ETFBKMT: variants seen among roughly 807,000 people sequenced by gnomAD.
ETFBKMT encodes electron transfer flavoprotein beta subunit lysine methyltransferase.
A neutral mutation model predicts 18.3 loss-of-function variants in ETFBKMT; 13 were observed. The observed-to-expected ratio is 0.71, with a 90% CI of 0.46 to 1.13. The LOEUF is 1.13. ETFBKMT is among the 50% of genes most tolerant of loss of function. The pLI is 0.00. For missense variants in ETFBKMT, 293 were observed against 306.2 expected (o/e 0.96, Z 0.32); for synonymous variants, 84 against 107.9 (o/e 0.78, Z 1.37).
At chr12:31,659,990 A>T (rs1191256626) in intron 1 of ETFBKMT, 1 of 11,840 alleles carries the variant, frequency 8.4e-5, no homozygotes, top group African/African-American at 1.0e-4. Context: ...CTCTACTAAA[A>T]AAAAAAAAAA....
chr12:31,661,683 A>T (rs1158622735), intron 1 of ETFBKMT, among the ~76,000 whole-genome samples, 158 bp from the exon 2 acceptor site: 1 of 152,080 alleles, frequency 6.6e-6, no homozygotes, highest in Non-Finnish European at 1.5e-5. Flanking sequence ...CTGGTCTTGA[A>T]CACCTGACCT....
intron 1 of ETFBKMT, among the ~76,000 whole-genome samples, chr12:31,652,329 C>G (rs1380314583): frequency 6.6e-6 from 1 of 152,130 alleles, no homozygotes; most frequent in Non-Finnish European, 1.5e-5. Context: ...TGGCGCCTGA[C>G]GACAAACCCC....
intron 1 of ETFBKMT, among the ~76,000 whole-genome samples, chr12:31,661,280 A>G (rs1951119888): frequency 6.6e-6 from 1 of 152,194 alleles, no homozygotes; most frequent in Non-Finnish European, 1.5e-5. Context: ...ATTTCCTGTA[A>G]GAGGCATTTT....
chr12:31,650,819 A>G (rs563743751), intron 1 of ETFBKMT, among the ~76,000 whole-genome samples: 83 of 152,250 alleles, frequency 5.5e-4, no homozygotes, highest in African/African-American at 1.9e-3. Flanking sequence ...CATTGCAGGA[A>G]GAGCTAGCTC....
At chr12:31,653,067 G>A (rs2139611142) in intron 1 of ETFBKMT, among the ~76,000 whole-genome samples, 1 of 152,320 alleles carries the variant, frequency 6.6e-6, no homozygotes, top group South Asian at 2.1e-4. Context: ...AAATCAGCCG[G>A]CCTTGGCGGC....
intron 1 of ETFBKMT, among the ~76,000 whole-genome samples, chr12:31,647,810 C>G (rs1592129923): frequency 1.3e-5 from 2 of 151,880 alleles, no homozygotes; most frequent in South Asian, 4.2e-4. Context: ...GCCTTGGTGA[C>G]AGAGGGAGAC....
upstream of ETFBKMT, chr12:31,659,286 T>A (rs922927080): frequency 6.6e-6 from 1 of 152,244 alleles, no homozygotes. Context: ...ATGTAAAGCA[T>A]GAGCGGGAAC....
rs1951217744 is a variant in ETFBKMT, at chr12:31,667,782, AC to A, written c.583del (p.Ala196GlnfsTer8). On this transcript the variant is annotated frameshift_variant, in exon 4 of 4. Transcript: ENST00000357721. LOFTEE classifies it low-confidence loss of function (END_TRUNC). ...VVLGDMFYDE[D>X]LADSLHQWLK... ...CTTGGCGATATGTTTTATGATGAAG[AC>A]CTTGCAGATAGTCTTCATCAGTGGC... 1 of 1,614,088 alleles carries A rather than the reference AC, an allele frequency of 6.2e-7. No homozygotes were observed. Among genetic ancestry groups the A allele is most frequent in the African/African-American group, 1.3e-5 (1 of 74,916 alleles).
Position 31,667,827 on chromosome 12 carries a change from C to T in ETFBKMT, c.626C>T (p.Thr209Ile). 1.2e-6 allele frequency: 2 copies of T among 1,614,130 alleles called. No individual in the cohort carries two copies. The highest frequency in any genetic ancestry group is 1.7e-6 in the Non-Finnish European group (2 of 1,180,028). The change falls in exon 4 of 4, where the codon ACC becomes ATC. Residue 209 changes from threonine (T) to isoleucine (I), a missense_variant. Physicochemically the swap from Thr to Ile is moderately conservative, Grantham distance 89. Transcript: ENST00000357721. The stretch of plus-strand genomic sequence containing the variant: ...CAGTGGCTGAAGAAGTGCTTCTGGA[C>T]CTATAGAACTCGAGTACTGATTGGT... ...LHQWLKKCFW[T>I]YRTRVLIGDP...
At chr12:31,654,881 C>T (rs955826039), upstream of ETFBKMT, among the ~76,000 whole-genome samples, 5 of 151,880 alleles carry the variant, frequency 3.3e-5, no homozygotes, top group African/African-American at 4.8e-5. Context: ...CATGGTGAAA[C>T]GCTGTCTCTA....
At chr12:31,664,431 C>T (rs944872581) in intron 2 of ETFBKMT, among the ~76,000 whole-genome samples, 11 of 151,974 alleles carry the variant, frequency 7.2e-5, no homozygotes, top group Admixed American at 3.9e-4. Context: ...TCGTGGTGCT[C>T]GGTAGTTTCT....
rs1473032968 is a variant in ETFBKMT at position 31,669,260 on chromosome 12, G to A, written c.*1270G>A. 1 of 152,024 alleles carries A rather than the reference G, an allele frequency of 6.6e-6. No individual in the cohort carries two copies. 9.4% of individuals were successfully genotyped at this position (152,024 alleles called of 1,614,324 possible). ...CAGTTTTTTTCACCTGTAATTCCCT[G>A]TTATTATACAGTAGCCTAACTGATG... is the stretch of plus-strand genomic sequence containing the variant. On this transcript the variant is annotated 3_prime_UTR_variant, in exon 4 of 4. Transcript: ENST00000357721.
At chr12:31,649,253 A>T (rs1386576837) in intron 1 of ETFBKMT, among the ~76,000 whole-genome samples, 1 of 152,210 alleles carries the variant, frequency 6.6e-6, no homozygotes. Flanking sequence ...TTTTTTCCCC[A>T]ATTTTTTCAA....
At chr12:31,667,551 A>C in intron 3 of ETFBKMT, 96 bp from the exon 4 acceptor site, 2 of 964,540 alleles carry the variant, frequency 2.1e-6, no homozygotes, top group Non-Finnish European at 3.0e-6. Context: ...AGGAAGAAAA[A>C]TATATTGTTA....
At chr12:31,650,561 T>C (rs1307010069) in intron 1 of ETFBKMT, among the ~76,000 whole-genome samples, 1 of 151,290 alleles carries the variant, frequency 6.6e-6, no homozygotes, top group African/African-American at 2.4e-5. Context: ...TCTCTTGGGA[T>C]CTGAATCGTG....
upstream of ETFBKMT, among the ~76,000 whole-genome samples, chr12:31,656,522 A>C (rs1262768308): frequency 1.3e-5 from 2 of 152,226 alleles, no homozygotes; most frequent in Non-Finnish European, 2.9e-5. Flanking sequence ...GTTTTAAGCA[A>C]GGGAGAACAC....
chr12:31,667,792 T>C lies in ETFBKMT; in HGVS notation c.591T>C (p.Asp197=), dbSNP rs759869819. ...TGTTTTATGATGAAGACCTTGCAGATAGTCTTCATCAGTGGCTGAAGAAGT... is the reference window on the plus strand; with the variant it reads ...TGTTTTATGATGAAGACCTTGCAGACAGTCTTCATCAGTGGCTGAAGAAGT... ...GDMFYDEDLA[D]SLHQWLKKCF... The change falls in exon 4 of 4, where the codon GAT becomes GAC. Residue 197 remains aspartate, a synonymous_variant. Transcript: ENST00000357721. The C allele has an allele frequency of 5.6e-6, 9 of 1,614,190 alleles. No homozygotes were observed. The highest frequency in any genetic ancestry group is 1.7e-5 in the Admixed American group (1 of 60,026).
intron 2 of ETFBKMT, among the ~76,000 whole-genome samples, 170 bp downstream of exon 2, chr12:31,662,437 T>G (rs1238305692): frequency 1.3e-5 from 2 of 152,088 alleles, no homozygotes; most frequent in Non-Finnish European, 2.9e-5. Flanking sequence ...CACTCTCGCC[T>G]GGCCTGTCTC....
At chr12:31,659,218 T>C (rs1190322151), upstream of ETFBKMT, 1 of 152,252 alleles carries the variant, frequency 6.6e-6, no homozygotes, top group Non-Finnish European at 1.5e-5. Flanking sequence ...TCCCGCCCCC[T>C]GCCGGGCCGC....
Sources: gnomAD v4.1 joint callset for allele counts (sites outside exome capture counted in the v4.1 genomes callset) on GRCh38, gnomAD v4.1.1 for gene constraint, MANE v1.5 for transcripts, NCBI Gene and HGNC (gene_info 2026-07-23, HGNC 2026-07-21) for gene names.